Variants in GRM7 observed in about 807,000 individuals in gnomAD.
The protein encoded by GRM7 is metabotropic glutamate receptor 7.
In GRM7, 35 loss-of-function variants were observed where a neutral mutation model predicts 84.5. The ratio of observed to expected loss-of-function variants is 0.41; its 90% CI spans 0.32 to 0.55. The LOEUF is 0.55. Ranked by LOEUF, GRM7 falls within the 20% of genes least tolerant of loss-of-function variation. The pLI is 0.19. For synonymous variants in GRM7, 487 were observed against 455.1 expected, an observed-to-expected ratio of 1.07 and a Z score of -0.89; for missense variants, 1,003 against 1,194.6, an observed-to-expected ratio of 0.84 and a Z score of 2.36.
At chr3:7,216,908 C>T (rs1477742479) in intron 2 of GRM7, among the ~76,000 whole-genome samples, 2 of 152,102 alleles carry the variant, frequency 1.3e-5, no homozygotes, top group African/African-American at 4.8e-5. Context: ...TGCAGACATC[C>T]ATCTTTAATG....
intron 2 of GRM7, among the ~76,000 whole-genome samples, chr3:7,295,299 T>C (rs1699775973): frequency 6.6e-6 from 1 of 152,188 alleles, no homozygotes; most frequent in South Asian, 2.1e-4. Context: ...ATCAGTTGAC[T>C]GTATTTGTGT....
intron 1 of GRM7, among the ~76,000 whole-genome samples, chr3:7,034,014 T>C (rs1006119920): frequency 3.9e-5 from 6 of 152,316 alleles, no homozygotes; most frequent in Middle Eastern, 6.8e-3. Context: ...ACAGGTCTTA[T>C]GGTATGAATC....
chr3:7,368,222 A>G (rs999164099), intron 4 of GRM7, among the ~76,000 whole-genome samples: 1 of 152,074 alleles, frequency 6.6e-6, no homozygotes, highest in Non-Finnish European at 1.5e-5. Context: ...TGGGTTACAG[A>G]GGTGAGATCA....
chr3:7,543,442 T>C (rs960941403), intron 7 of GRM7, among the ~76,000 whole-genome samples: 2 of 152,260 alleles, frequency 1.3e-5, no homozygotes, highest in African/African-American at 2.4e-5. Flanking sequence ...TCCTGTCTTA[T>C]GCAGCTTCTG....
intron 5 of GRM7, 59 bp downstream of exon 5, chr3:7,415,222 T>A: frequency 2.9e-6 from 4 of 1,362,016 alleles, no homozygotes; most frequent in Non-Finnish European, 4.1e-6. Context: ...CTGACATGTC[T>A]GCATAGCTGA....
chr3:6,916,712 C>T (rs1423528819), intron 1 of GRM7, among the ~76,000 whole-genome samples: 1 of 152,116 alleles, frequency 6.6e-6, no homozygotes, highest in East Asian at 1.9e-4. Context: ...AAGACCCTAC[C>T]TATTGGACTG....
intron 1 of GRM7, among the ~76,000 whole-genome samples, chr3:6,958,263 G>T (rs1407414528): frequency 4.7e-5 from 7 of 150,188 alleles, no homozygotes; most frequent in Non-Finnish European, 7.4e-5. Flanking sequence ...GAAGAGTCTG[G>T]TTTATTTTAC....
intron 1 of GRM7, among the ~76,000 whole-genome samples, chr3:7,130,256 C>T (rs958987609): frequency 4.7e-4 from 71 of 152,158 alleles, no homozygotes; most frequent in African/African-American, 1.6e-3. Flanking sequence ...GAATTCATGG[C>T]TTATGGGATG....
chr3:7,398,894 ACTT>A (rs1695329797), intron 4 of GRM7, among the ~76,000 whole-genome samples: 1 of 151,878 alleles, frequency 6.6e-6, no homozygotes, highest in Non-Finnish European at 1.5e-5. Flanking sequence ...CCCTCTTTCT[ACTT>A]CTCTGACAAT....
intron 4 of GRM7, among the ~76,000 whole-genome samples, chr3:7,390,382 A>G (rs1694944875): frequency 6.6e-6 from 1 of 152,088 alleles, no homozygotes; most frequent in African/African-American, 2.4e-5. Context: ...TTATATCTGC[A>G]TGTTGACTTC....
intron 7 of GRM7, among the ~76,000 whole-genome samples, chr3:7,542,987 A>G (rs1559391637): frequency 2.0e-5 from 3 of 151,962 alleles, no homozygotes; most frequent in African/African-American, 7.2e-5. Context: ...TGGTATCCTG[A>G]CTCTCTGGTT....
At chr3:7,426,355 A>G (rs1403042982) in intron 5 of GRM7, among the ~76,000 whole-genome samples, 1 of 152,096 alleles carries the variant, frequency 6.6e-6, no homozygotes, top group African/African-American at 2.4e-5. Flanking sequence ...AAACCTCAGC[A>G]TGGTCTGTAG....
intron 7 of GRM7, among the ~76,000 whole-genome samples, chr3:7,490,122 C>G (rs1331070657): frequency 6.6e-6 from 1 of 152,038 alleles, no homozygotes; most frequent in Non-Finnish European, 1.5e-5. Flanking sequence ...GTTTACATAA[C>G]TGATAAACTG....
At chr3:7,453,282 C>G (rs1697855709) in intron 6 of GRM7, among the ~76,000 whole-genome samples, 1 of 152,066 alleles carries the variant, frequency 6.6e-6, no homozygotes, top group African/African-American at 2.4e-5. Context: ...GCTGACTGTC[C>G]TCTACTTCAA....
At chr3:6,911,625 C>G (rs536457418) in intron 1 of GRM7, among the ~76,000 whole-genome samples, 2 of 152,052 alleles carry the variant, frequency 1.3e-5, no homozygotes, top group African/African-American at 4.8e-5. Flanking sequence ...GGAAAGTAAC[C>G]AAATAACCCA....
At chr3:7,273,717 A>G (rs192665703) in intron 2 of GRM7, among the ~76,000 whole-genome samples, 48 of 151,868 alleles carry the variant, frequency 3.2e-4, no homozygotes, top group Admixed American at 2.7e-3. Flanking sequence ...TTCTTCATGG[A>G]CTTTTTAATC....
intron 8 of GRM7, among the ~76,000 whole-genome samples, chr3:7,634,748 C>G (rs1175537514): frequency 1.3e-5 from 2 of 150,606 alleles, no homozygotes; most frequent in Admixed American, 1.3e-4. Flanking sequence ...GAGCCGAGAT[C>G]GCGCCACTGC....
At chr3:7,576,447 A>G (rs770160819) in intron 7 of GRM7, among the ~76,000 whole-genome samples, 12 of 152,054 alleles carry the variant, frequency 7.9e-5, no homozygotes, top group Non-Finnish European at 1.3e-4. Flanking sequence ...ACCAAGTTTA[A>G]CTCCTGAGCC....
At chr3:7,340,064 A>C (rs1184608576) in intron 4 of GRM7, among the ~76,000 whole-genome samples, 1 of 152,136 alleles carries the variant, frequency 6.6e-6, no homozygotes, top group Non-Finnish European at 1.5e-5. Context: ...AAAGTTCAAG[A>C]GCTCTTATAT....
Sources: allele counts gnomAD v4.1 joint callset (sites outside exome capture counted in the v4.1 genomes callset), GRCh38; gene constraint gnomAD v4.1.1; transcripts MANE v1.5; gene names NCBI Gene and HGNC (gene_info 2026-07-23, HGNC 2026-07-21).